The following VAC14 variants were observed in gnomAD, a reference collection of about 807,000 sequenced individuals.
VAC14 encodes the protein protein VAC14 homolog.
Under a neutral mutation model 85.3 loss-of-function variants are expected in VAC14, and 47 were observed. That is an observed-to-expected ratio of 0.55 (90% CI 0.44 to 0.70). VAC14 has a LOEUF of 0.70. VAC14 is among the 30% of genes least tolerant of loss of function. The probability of loss-of-function intolerance (pLI) is 0.00; values close to 1 mark genes in which losing one functional copy is unlikely to be tolerated. For missense variants in VAC14, 861 were observed against 1,004.3 expected, an observed-to-expected ratio of 0.86 and a Z score of 1.93; for synonymous variants, 447 against 430.5, an observed-to-expected ratio of 1.04 and a Z score of -0.47.
chr16:70,761,019 G>C, intron 12 of VAC14: 2 of 276,578 alleles, frequency 7.2e-6, no homozygotes, highest in South Asian at 5.0e-5. Context: ...GTGTGTGTGT[G>C]CATGGGGGGG....
chr16:70,713,365 G>A (rs922913914), intron 14 of VAC14, among the ~76,000 whole-genome samples: 24 of 152,344 alleles, frequency 1.6e-4, no homozygotes, highest in African/African-American at 4.3e-4. Flanking sequence ...GGATGGAAAC[G>A]CTGACCACAG....
rs370334720 is a variant in VAC14, at chr16:70,762,494, C to A, written c.1371+46G>T. 6.3e-7 allele frequency: 1 copy of A among 1,582,218 alleles called. No individual in the cohort carries two copies. The highest frequency in any genetic ancestry group is 8.7e-7 in the Non-Finnish European group (1 of 1,152,240). ...TATCTCAGTCACTAACAAGGGGAGG[C>A]AGGGCAGCCGATGTTCCATAAGTAC... is the stretch of plus-strand genomic sequence containing the variant. On this transcript the variant is annotated intron_variant, in intron 12 of 18. Coordinates refer to ENST00000261776, the MANE Select transcript of VAC14 (RefSeq NM_018052.5). This position sits in a 1 kb window ranked among gnomAD's most constrained non-coding sequence, Gnocchi z 4.1.
intron 17 of VAC14, 150 bp downstream of exon 17, chr16:70,695,394 C>T: frequency 1.3e-6 from 1 of 756,058 alleles, no homozygotes; most frequent in Non-Finnish European, 2.2e-6. Flanking sequence ...TTATAAGTCT[C>T]ACATTCTCAA....
intron 10 of VAC14, among the ~76,000 whole-genome samples, chr16:70,767,221 C>T (rs1177623597): frequency 6.6e-6 from 1 of 152,178 alleles, no homozygotes; most frequent in African/African-American, 2.4e-5. Flanking sequence ...CTGAATAATG[C>T]TTCTGATATT....
At chr16:70,768,902 G>C (rs1210618886) in intron 10 of VAC14, 1 of 442,022 alleles carries the variant, frequency 2.3e-6, no homozygotes, top group African/African-American at 2.0e-5. Flanking sequence ...CCAGGTTCAA[G>C]CAATTCTCCT....
chr16:70,784,996 G>C (rs1166848025), intron 3 of VAC14, among the ~76,000 whole-genome samples, 158 bp from the exon 4 acceptor site: 1 of 152,210 alleles, frequency 6.6e-6, no homozygotes, highest in African/African-American at 2.4e-5. Context: ...AGAAAGGCTG[G>C]GAAAGTGGGA....
chr16:70,692,808 A>G lies in VAC14; in HGVS notation c.2186+13T>C, dbSNP rs1368676958. ...TCAGGGGGCGGGGGCAGCAGTCCCC[A>G]GCCGGCACTCACTCGGTCTGCAGCA... On this transcript the variant is annotated intron_variant, in intron 18 of 18. Transcript: ENST00000261776. 1.9e-6 allele frequency: 3 copies of G among 1,593,256 alleles called. No homozygotes were observed. The highest frequency in any genetic ancestry group is 8.5e-7 in the Non-Finnish European group (1 of 1,173,104).
chr16:70,789,554 C>T (rs1035849061), intron 1 of VAC14, among the ~76,000 whole-genome samples: 11 of 152,232 alleles, frequency 7.2e-5, no homozygotes, highest in South Asian at 2.1e-4. Context: ...GCGGGAGGCC[C>T]GGGTTCGATT....
At chr16:70,703,763 A>G (rs1159613611) in intron 14 of VAC14, among the ~76,000 whole-genome samples, 1 of 152,180 alleles carries the variant, frequency 6.6e-6, no homozygotes, top group Non-Finnish European at 1.5e-5. Flanking sequence ...CAAAAGAGCA[A>G]CCTGCCCTCG....
chr16:70,760,977 G>GTA (rs1338907111), intron 12 of VAC14, among the ~76,000 whole-genome samples: 1 of 104,564 alleles, frequency 9.6e-6, no homozygotes, highest in Non-Finnish European at 1.9e-5. Context: ...GTGTGTGTGT[G>GTA]TGTGTGTGTG....
intron 14 of VAC14, among the ~76,000 whole-genome samples, chr16:70,709,210 G>C (rs1243085172): frequency 6.6e-6 from 1 of 152,192 alleles, no homozygotes; most frequent in Non-Finnish European, 1.5e-5. Context: ...GCACAGATGA[G>C]AGGCCTTGCC....
At chr16:70,741,840 G>T (rs907135223) in intron 13 of VAC14, among the ~76,000 whole-genome samples, 7 of 152,168 alleles carry the variant, frequency 4.6e-5, no homozygotes, top group African/African-American at 1.4e-4. Flanking sequence ...ATCTTGGCAC[G>T]GCCAGGAGCT....
chr16:70,698,509 G>T lies in VAC14; in HGVS notation c.1836+128C>A. The T allele has an allele frequency of 7.0e-6, 8 of 1,137,474 alleles. No homozygotes were observed. In the South Asian group the frequency reaches 1.2e-4, roughly 17 times the overall value. The allele number at this position is 1,137,474 out of a possible 1,614,324, so 70.5% of individuals were successfully genotyped here. A position where few individuals can be genotyped will look rare whatever the true frequency, so the allele number is the denominator to read the frequency against. Reference sequence around the variant, plus strand: ...ATCCCTATTTCCCAGTGGACCAGGGGAAGTCTCGATTTCAACCCCGTCTTC... The same window carrying T: ...ATCCCTATTTCCCAGTGGACCAGGGTAAGTCTCGATTTCAACCCCGTCTTC... On this transcript the variant is annotated intron_variant, in intron 15 of 18. Coordinates refer to ENST00000261776, the MANE Select transcript of VAC14 (RefSeq NM_018052.5).
chr16:70,726,037 T>G (rs749194435), intron 14 of VAC14, among the ~76,000 whole-genome samples: 3 of 152,254 alleles, frequency 2.0e-5, no homozygotes, highest in South Asian at 2.1e-4. Flanking sequence ...GCGACTGTCT[T>G]CAGACTTGCT....
chr16:70,744,875 CA>C (rs1157266786), intron 12 of VAC14, among the ~76,000 whole-genome samples: 3 of 152,352 alleles, frequency 2.0e-5, no homozygotes, highest in East Asian at 1.9e-4. Flanking sequence ...GTCCCTTGAA[CA>C]GGGCTCTGAG....
chr16:70,775,330 G>A (rs745799167), intron 9 of VAC14, among the ~76,000 whole-genome samples: 12 of 152,016 alleles, frequency 7.9e-5, no homozygotes, highest in African/African-American at 1.4e-4. Flanking sequence ...GCCCATCACC[G>A]CTCCCCGGGG....
chr16:70,691,148 C>T, intron 18 of VAC14: 5 of 985,530 alleles, frequency 5.1e-6, no homozygotes, highest in Non-Finnish European at 6.0e-6. Flanking sequence ...TCCCAGCTTC[C>T]CTCTGCAAAC....
intron 7 of VAC14, 128 bp downstream of exon 7, chr16:70,782,905 G>C: frequency 1.1e-6 from 1 of 871,878 alleles, no homozygotes; most frequent in Non-Finnish European, 1.8e-6. Context: ...TGTCACACTG[G>C]CTAATATTCC....
intron 14 of VAC14, among the ~76,000 whole-genome samples, chr16:70,728,918 G>GT (rs1247275374): frequency 6.6e-6 from 1 of 152,132 alleles, no homozygotes; most frequent in Non-Finnish European, 1.5e-5. Flanking sequence ...CTTTCCTGGT[G>GT]GGGGGGCCTC....
Sources: gnomAD v4.1 joint callset for allele counts (sites outside exome capture counted in the v4.1 genomes callset) on GRCh38, gnomAD v4.1.1 for gene constraint, Gnocchi (gnomAD v3.1) non-coding constraint, MANE v1.5 for transcripts, NCBI Gene and HGNC (gene_info 2026-07-23, HGNC 2026-07-21) for gene names.